CD247: variants seen among roughly 807,000 people sequenced by gnomAD.
CD247 encodes CD247 molecule.
A neutral mutation model predicts 30.0 loss-of-function variants in CD247; 13 were observed. The ratio of observed to expected loss-of-function variants is 0.43; its 90% confidence interval spans 0.28 to 0.69. CD247 has a LOEUF of 0.69. CD247 is among the 30% of genes least tolerant of loss of function. CD247 has a pLI of 0.16. For missense variants in CD247, 193 were observed against 212.6 expected (o/e 0.91, Z 0.57); for synonymous variants, 72 against 80.0 (o/e 0.90, Z 0.53).
intron 1 of CD247, among the ~76,000 whole-genome samples, chr1:167,508,536 T>A (rs1655247487): frequency 1.3e-5 from 2 of 152,320 alleles, no homozygotes; most frequent in South Asian, 4.1e-4. Context: ...TCTTTATTGT[T>A]CCCAATGAAA....
At chr1:167,473,867 A>G (rs774084516) in intron 1 of CD247, among the ~76,000 whole-genome samples, 2 of 152,166 alleles carry the variant, frequency 1.3e-5, no homozygotes, top group African/African-American at 2.4e-5. Context: ...TGACTCACGG[A>G]TCTGCTAGCT....
intron 1 of CD247, among the ~76,000 whole-genome samples, chr1:167,448,878 A>T: frequency 6.6e-6 from 1 of 152,084 alleles, no homozygotes; most frequent in East Asian, 1.9e-4. Flanking sequence ...AAATAAACAA[A>T]AATTTTTTTA....
chr1:167,459,002 G>C (rs1388835585), intron 1 of CD247, among the ~76,000 whole-genome samples: 1 of 151,760 alleles, frequency 6.6e-6, no homozygotes, highest in East Asian at 1.9e-4. Flanking sequence ...GAGCACTGTG[G>C]CGTGCGCCTG....
intron 1 of CD247, among the ~76,000 whole-genome samples, chr1:167,450,402 G>A (rs911396261): frequency 9.9e-5 from 15 of 152,094 alleles, no homozygotes; most frequent in Non-Finnish European, 2.2e-4. Flanking sequence ...GCTGAGGTGC[G>A]AGGATCACTT....
intron 1 of CD247, among the ~76,000 whole-genome samples, chr1:167,476,412 CTT>C (rs1653749284): frequency 6.6e-6 from 1 of 152,200 alleles, no homozygotes; most frequent in Non-Finnish European, 1.5e-5. Context: ...TCTTAATTTT[CTT>C]TCTTTATCTA....
At chr1:167,433,162 G>T in intron 6 of CD247, 103 bp from the exon 7 acceptor site, 2 of 1,179,576 alleles carry the variant, frequency 1.7e-6, no homozygotes, top group Non-Finnish European at 2.5e-6. Flanking sequence ...GAAGTCAGAG[G>T]TAACTGTCTC....
intron 1 of CD247, chr1:167,448,283 G>A: frequency 1.2e-6 from 1 of 829,224 alleles, no homozygotes; most frequent in Non-Finnish European, 1.5e-6. Flanking sequence ...CTACAGCCAG[G>A]GTTGAATCCA....
At chr1:167,512,911 G>C (rs896422547) in intron 1 of CD247, among the ~76,000 whole-genome samples, 1 of 152,230 alleles carries the variant, frequency 6.6e-6, no homozygotes, top group Non-Finnish European at 1.5e-5. Flanking sequence ...TGGTAACAGA[G>C]AGTTAGAGAA....
In CD247 at chr1:167,431,003, T is replaced by C; in HGVS notation, c.*678A>G. On this transcript the variant is annotated 3_prime_UTR_variant, in exon 8 of 8. Transcript: ENST00000362089. ...CAGCTCATCAAGGTCAGTCTGTTCATCTTCTGGCCCCTGTAGCACATGGTA... is the reference window on the plus strand; with the variant it reads ...CAGCTCATCAAGGTCAGTCTGTTCACCTTCTGGCCCCTGTAGCACATGGTA... 5.0e-6 allele frequency: 2 copies of C among 403,160 alleles called. No individual in the cohort carries two copies. The highest frequency in any genetic ancestry group is 8.7e-6 in the Non-Finnish European group (2 of 228,612). 25.0% of individuals were successfully genotyped at this position (403,160 alleles called of 1,614,324 possible). A position where few individuals can be genotyped will look rare whatever the true frequency, so the allele number is the denominator to read the frequency against.
chr1:167,509,512 C>T (rs561254688), intron 1 of CD247, among the ~76,000 whole-genome samples: 3 of 152,006 alleles, frequency 2.0e-5, no homozygotes, highest in East Asian at 1.9e-4. Flanking sequence ...AGATTAAATG[C>T]GTGTTTGCCT....
intron 1 of CD247, among the ~76,000 whole-genome samples, chr1:167,449,980 T>TAAG (rs35491550): frequency 0.015 from 2,213 of 152,324 alleles, 28 homozygotes; most frequent in South Asian, 0.029. Flanking sequence ...TGTTATAATC[T>TAAG]AAGACTTCAT....
chr1:167,480,634 G>A (rs1175734311), intron 1 of CD247, among the ~76,000 whole-genome samples: 1 of 152,224 alleles, frequency 6.6e-6, no homozygotes, highest in Non-Finnish European at 1.5e-5. Flanking sequence ...TAGGGACATA[G>A]TTTGGAGGAT....
intron 1 of CD247, among the ~76,000 whole-genome samples, chr1:167,472,798 T>C (rs1249221871): frequency 6.6e-6 from 1 of 152,164 alleles, no homozygotes; most frequent in African/African-American, 2.4e-5. Flanking sequence ...CTGACCCTCT[T>C]GTGTCTGATC....
chr1:167,468,219 C>T (rs910260417), intron 1 of CD247, among the ~76,000 whole-genome samples: 6 of 151,408 alleles, frequency 4.0e-5, no homozygotes, highest in African/African-American at 9.7e-5. Flanking sequence ...TATAAGAAAA[C>T]GTCCCTGTAA....
intron 1 of CD247, among the ~76,000 whole-genome samples, chr1:167,442,296 A>G (rs1651878078): frequency 6.6e-6 from 1 of 152,160 alleles, no homozygotes; most frequent in African/African-American, 2.4e-5. Context: ...GTCCCAGGCC[A>G]GCCCCGCTAG....
intron 1 of CD247, among the ~76,000 whole-genome samples, chr1:167,497,167 G>A (rs1242796286): frequency 2.0e-5 from 3 of 152,184 alleles, no homozygotes; most frequent in Non-Finnish European, 4.4e-5. Context: ...TCATGACAGG[G>A]AGAGATGACC....
At chr1:167,441,664 C>T (rs1375252898) in intron 1 of CD247, among the ~76,000 whole-genome samples, 1 of 152,248 alleles carries the variant, frequency 6.6e-6, no homozygotes, top group Admixed American at 6.5e-5. Flanking sequence ...TCTGTGTTAG[C>T]TTCTCCCACT....
In CD247 at chr1:167,434,893, C is replaced by T. The variant is rs187557395; in HGVS notation, c.336+506G>A. Reference sequence around the variant, plus strand: ...CAAAGACCACAGAGTGAGGAGCAACCGCCTTCCTCTGGAGCCCTCCTCCAG... The same window carrying T: ...CAAAGACCACAGAGTGAGGAGCAACTGCCTTCCTCTGGAGCCCTCCTCCAG... On this transcript the variant is annotated intron_variant, in intron 5 of 7. Coordinates refer to ENST00000362089, the MANE Select transcript of CD247 (RefSeq NM_198053.3). 4.3e-4 allele frequency: 199 copies of T among 465,206 alleles called. 2 individuals carry two copies. The highest frequency in any genetic ancestry group is 3.2e-3 in the African/African-American group (159 of 50,270). 28.8% of individuals were successfully genotyped at this position (465,206 alleles called of 1,614,324 possible). A position where few individuals can be genotyped will look rare whatever the true frequency, so the allele number is the denominator to read the frequency against.
intron 2 of CD247, chr1:167,440,259 G>T (rs929610287): frequency 6.9e-6 from 2 of 291,882 alleles, no homozygotes; most frequent in East Asian, 1.7e-4. Context: ...AAAAACCCAC[G>T]CTCTGGTCAG....
Sources: allele counts gnomAD v4.1 joint callset (sites outside exome capture counted in the v4.1 genomes callset), GRCh38; gene constraint gnomAD v4.1.1; transcripts MANE v1.5; gene names NCBI Gene and HGNC (gene_info 2026-07-23, HGNC 2026-07-21).